CEP128: variants seen among roughly 807,000 people sequenced by gnomAD.
CEP128 encodes centrosomal protein 128kDa.
In CEP128, 132 loss-of-function variants were observed where a neutral mutation model predicts 156.7. The observed-to-expected ratio is 0.84, with a 90% CI of 0.73 to 0.97. CEP128 has a LOEUF of 0.97. Among genes scored for constraint, CEP128 ranks in the 50% least tolerant of loss-of-function variants. The pLI, the probability that CEP128 is intolerant of heterozygous loss-of-function variation, is 0.00. For synonymous variants in CEP128, 469 were observed against 448.9 expected, an observed-to-expected ratio of 1.04 and a Z score of -0.57; for missense variants, 1,252 against 1,281.9, an observed-to-expected ratio of 0.98 and a Z score of 0.36.
chr14:80,641,763 C>T (rs1894418450), intron 19 of CEP128, among the ~76,000 whole-genome samples: 1 of 151,998 alleles, frequency 6.6e-6, no homozygotes. Context: ...ATTAAAATAG[C>T]CGTACCAGAA....
At chr14:80,828,108 C>T (rs1419209733) in intron 13 of CEP128, among the ~76,000 whole-genome samples, 5 of 149,074 alleles carry the variant, frequency 3.4e-5, no homozygotes, top group African/African-American at 7.5e-5. Flanking sequence ...TTTTGGCCTA[C>T]TTTGCTTCTT....
At chr14:80,550,697 T>C (rs1298121161) in intron 21 of CEP128, among the ~76,000 whole-genome samples, 1 of 151,560 alleles carries the variant, frequency 6.6e-6, no homozygotes, top group Non-Finnish European at 1.5e-5. Flanking sequence ...AATTGGTTTT[T>C]AAAATTCCCT....
intron 13 of CEP128, among the ~76,000 whole-genome samples, chr14:80,820,218 C>T (rs1566649793): frequency 6.6e-6 from 1 of 152,154 alleles, no homozygotes; most frequent in African/African-American, 2.4e-5. Context: ...TCTGAAGAGT[C>T]TATATGCCTA....
At chr14:80,602,671 G>A (rs909901682) in intron 19 of CEP128, among the ~76,000 whole-genome samples, 2 of 152,156 alleles carry the variant, frequency 1.3e-5, no homozygotes, top group Non-Finnish European at 2.9e-5. Context: ...TACTCAGGAG[G>A]CTGAGGCAGC....
chr14:80,558,441 A>C (rs1595000082), intron 21 of CEP128, among the ~76,000 whole-genome samples: 2 of 152,038 alleles, frequency 1.3e-5, no homozygotes, highest in South Asian at 4.2e-4. Flanking sequence ...GGCTCTCACC[A>C]CCACACCCGG....
intron 2 of CEP128, among the ~76,000 whole-genome samples, chr14:80,935,556 C>CAATA (rs59491221): frequency 0.15 from 17,483 of 113,744 alleles, 1,657 homozygotes; most frequent in African/African-American, 0.25. Flanking sequence ...GAGTCTGTCT[C>CAATA]AATAAATAAA....
Position 80,792,952 on chromosome 14 carries a change from C to G in CEP128, c.1368G>C (p.Lys456Asn). The G allele has an allele frequency of 1.9e-6, 3 of 1,614,192 alleles. No individual in the cohort carries two copies. The highest frequency in any genetic ancestry group is 2.5e-6 in the Non-Finnish European group (3 of 1,180,030). ...GCTCACTGAGGTACCGCTCAGCCTG[C>G]TTGGTTGCATCCTCCGCATGGCGAG... ...ELTRHAEDAT[K>N]QAERYLSELQ... Residue 456 changes from lysine to asparagine, a missense_variant, in exon 14 of 25, where the codon AAG becomes AAC. Lys to Asn is a moderately conservative substitution (Grantham distance 94, BLOSUM62 0). Coordinates refer to ENST00000555265, the MANE Select transcript of CEP128 (RefSeq NM_152446.5).
intron 19 of CEP128, among the ~76,000 whole-genome samples, chr14:80,686,558 T>C (rs1896530899): frequency 6.6e-6 from 1 of 152,110 alleles, no homozygotes; most frequent in Non-Finnish European, 1.5e-5. Context: ...GATGATAGAA[T>C]CAAATTCACA....
intron 9 of CEP128, among the ~76,000 whole-genome samples, chr14:80,846,885 C>G (rs1886635142): frequency 6.6e-6 from 1 of 152,110 alleles, no homozygotes; most frequent in African/African-American, 2.4e-5. Flanking sequence ...TCTAAACTTT[C>G]AACTTTTGTT....
intron 20 of CEP128, among the ~76,000 whole-genome samples, chr14:80,573,205 A>T (rs967233124): frequency 2.0e-4 from 31 of 152,056 alleles, no homozygotes. Flanking sequence ...GATAATAGGC[A>T]TGAGCCACCT....
chr14:80,936,061 T>C (rs1202352085), intron 2 of CEP128, among the ~76,000 whole-genome samples: 1 of 152,180 alleles, frequency 6.6e-6, no homozygotes, highest in African/African-American at 2.4e-5. Context: ...TCCACCCTGC[T>C]CCAGCACTTC....
At chr14:80,684,537 T>C (rs1012908721) in intron 19 of CEP128, among the ~76,000 whole-genome samples, 1 of 151,872 alleles carries the variant, frequency 6.6e-6, no homozygotes, top group African/African-American at 2.4e-5. Flanking sequence ...CTGGTACCAG[T>C]TCTACTAAAA....
intron 9 of CEP128, among the ~76,000 whole-genome samples, chr14:80,857,762 C>A (rs35985444): frequency 0.31 from 43,823 of 143,260 alleles, 7,967 homozygotes; most frequent in Non-Finnish European, 0.4. Context: ...ACAACAACAA[C>A]AACAACAAAA....
At chr14:80,754,714 C>T (rs890978236) in intron 18 of CEP128, among the ~76,000 whole-genome samples, 7 of 152,064 alleles carry the variant, frequency 4.6e-5, no homozygotes, top group African/African-American at 1.2e-4. Context: ...CCCCCTACCT[C>T]GGCCTCCAAA....
intron 23 of CEP128, among the ~76,000 whole-genome samples, chr14:80,509,765 T>A (rs1888158409): frequency 6.6e-6 from 1 of 152,198 alleles, no homozygotes; most frequent in South Asian, 2.1e-4. Flanking sequence ...TTTGAGGTCA[T>A]CTATGGCTTT....
upstream of CEP128, among the ~76,000 whole-genome samples, chr14:80,944,633 T>G (rs1026201525): frequency 2.6e-5 from 4 of 151,348 alleles, no homozygotes; most frequent in African/African-American, 9.7e-5. Context: ...CCATCCTGGC[T>G]AACATGGTGA....
chr14:80,713,679 C>T lies in CEP128; in HGVS notation c.2806+29396G>A, dbSNP rs549208900. On this transcript the variant is annotated intron_variant, in intron 19 of 24. Coordinates refer to ENST00000555265, the MANE Select transcript of CEP128 (RefSeq NM_152446.5). ...GTTCTTTAATCTCCCCTGTTTTGCA[C>T]ATAGTAGATTGATTGTTGTGTATCC... Among the ~76,000 whole-genome samples the T allele has an allele frequency of 4.6e-5, 7 of 152,276 alleles. No individual in the cohort carries two copies. The East Asian group carries it at 1.2e-3, about 25-fold the overall frequency.
intron 19 of CEP128, among the ~76,000 whole-genome samples, chr14:80,687,392 G>T (rs945067313): frequency 6.6e-6 from 1 of 152,098 alleles, no homozygotes; most frequent in Admixed American, 6.6e-5. Flanking sequence ...GGAATACTAT[G>T]CAGCCATAAA....
At position 80,895,718 on chromosome 14, in the gene CEP128, C is replaced by A. The variant is rs1272059003; in HGVS notation, c.645G>T (p.Val215=). The A allele has an allele frequency of 1.9e-6, 3 of 1,554,110 alleles. No homozygotes were observed. The highest frequency in any genetic ancestry group is 2.6e-6 in the Non-Finnish European group (3 of 1,149,684). Residue 215 remains valine (V), a splice_region_variant and synonymous_variant, in exon 8 of 25, where the codon GTG becomes GTT. Coordinates refer to ENST00000555265, the MANE Select transcript of CEP128 (RefSeq NM_152446.5). ...EKLNEAQKQE[V]VSDRVERRLQ... ...CTTTTTATTAAAAAAGAGATCTCAC[C>A]ACTTCTTGTTTCTGGGCTTCATTAA... is the stretch of plus-strand genomic sequence containing the variant.
Sources: allele counts gnomAD v4.1 joint callset (sites outside exome capture counted in the v4.1 genomes callset), GRCh38; gene constraint gnomAD v4.1.1; transcripts MANE v1.5; gene names NCBI Gene and HGNC (gene_info 2026-07-23, HGNC 2026-07-21).